The following ZNF385B variants were observed in gnomAD, a reference collection of about 807,000 sequenced individuals.
The protein encoded by ZNF385B is zinc finger protein 533.
ZNF385B carries 23 observed loss-of-function variants against 39.2 expected under a neutral mutation model. The ratio of observed to expected loss-of-function variants is 0.59; its 90% CI spans 0.42 to 0.83. The LOEUF is 0.83. ZNF385B is among the 40% of genes least tolerant of loss of function. The pLI, the probability that ZNF385B is intolerant of heterozygous loss-of-function variation, is 0.00. For synonymous variants in ZNF385B, 205 were observed against 222.6 expected (o/e 0.92, Z 0.70); for missense variants, 552 against 598.9 (o/e 0.92, Z 0.82).
At chr2:179,779,110 C>G (rs1486620138) in intron 1 of ZNF385B, among the ~76,000 whole-genome samples, 2 of 151,972 alleles carry the variant, frequency 1.3e-5, no homozygotes, top group African/African-American at 4.8e-5. Context: ...TTCTTTTTTC[C>G]TCTGGTATAG....
chr2:179,484,855 C>T (rs2054392709), intron 5 of ZNF385B, among the ~76,000 whole-genome samples: 1 of 152,106 alleles, frequency 6.6e-6, no homozygotes, highest in Non-Finnish European at 1.5e-5. Flanking sequence ...TGCATATACA[C>T]TAGTAGCAAA....
chr2:179,521,045 A>G (rs1469466831), intron 4 of ZNF385B, among the ~76,000 whole-genome samples: 3 of 151,876 alleles, frequency 2.0e-5, no homozygotes, highest in Admixed American at 2.0e-4. Context: ...ATCTAGTTTC[A>G]AGTTCTTAGT....
At chr2:179,568,545 T>C (rs1684855679) in intron 3 of ZNF385B, among the ~76,000 whole-genome samples, 1 of 152,226 alleles carries the variant, frequency 6.6e-6, no homozygotes, top group Non-Finnish European at 1.5e-5. Context: ...TCACATAGTA[T>C]TAGTGTTATT....
chr2:179,556,216 G>C (rs754971703), intron 3 of ZNF385B, among the ~76,000 whole-genome samples: 1 of 149,148 alleles, frequency 6.7e-6, no homozygotes, highest in Non-Finnish European at 1.5e-5. Context: ...AAATGGATAA[G>C]ATTTATTTGC....
chr2:179,724,265 C>A, intron 3 of ZNF385B, among the ~76,000 whole-genome samples: 1 of 152,022 alleles, frequency 6.6e-6, no homozygotes, highest in Admixed American at 6.6e-5. Flanking sequence ...GCCAAGATTG[C>A]GCCACTGCAC....
At chr2:179,536,364 T>C (rs144479408) in intron 4 of ZNF385B, 20 of 152,298 alleles carry the variant, frequency 1.3e-4, no homozygotes, top group African/African-American at 4.8e-4. Context: ...TAAAGACTTG[T>C]CTTGCCAGAA....
chr2:179,782,586 T>C (rs995061332), intron 1 of ZNF385B, among the ~76,000 whole-genome samples: 5 of 152,150 alleles, frequency 3.3e-5, no homozygotes, highest in Admixed American at 1.3e-4. Flanking sequence ...GAAAACTCCA[T>C]AGTCTCAGCC....
At chr2:179,553,542 T>C (rs1287120093) in intron 3 of ZNF385B, among the ~76,000 whole-genome samples, 5 of 148,884 alleles carry the variant, frequency 3.4e-5, no homozygotes, top group Non-Finnish European at 1.5e-5. Flanking sequence ...ATGATATTTA[T>C]ATTATTATTC....
intron 3 of ZNF385B, among the ~76,000 whole-genome samples, chr2:179,655,013 T>C (rs2106257988): frequency 6.6e-6 from 1 of 152,302 alleles, no homozygotes; most frequent in East Asian, 1.9e-4. Context: ...TCTCACATGC[T>C]TTTGAAATGT....
intron 1 of ZNF385B, among the ~76,000 whole-genome samples, chr2:179,790,101 T>G (rs1705236111): frequency 6.6e-6 from 1 of 152,186 alleles, no homozygotes. Flanking sequence ...AGTAGCTTAG[T>G]CTGGTTATAA....
chr2:179,601,219 C>G (rs1214682158), intron 3 of ZNF385B, among the ~76,000 whole-genome samples: 1 of 152,164 alleles, frequency 6.6e-6, no homozygotes, highest in Admixed American at 6.6e-5. Context: ...TTTGGGGATG[C>G]AGCCAGCTTA....
At chr2:179,524,200 T>C (rs1455736657) in intron 4 of ZNF385B, among the ~76,000 whole-genome samples, 2 of 152,158 alleles carry the variant, frequency 1.3e-5, no homozygotes, top group Non-Finnish European at 2.9e-5. Flanking sequence ...TTATCCAGTA[T>C]AGTAGGCCCT....
At chr2:179,572,664 A>G (rs1685361842) in intron 3 of ZNF385B, among the ~76,000 whole-genome samples, 1 of 152,130 alleles carries the variant, frequency 6.6e-6, no homozygotes. Context: ...CCTATCATGG[A>G]GAAAGAACAC....
intron 3 of ZNF385B, among the ~76,000 whole-genome samples, chr2:179,738,516 A>C (rs1575392780): frequency 6.6e-6 from 1 of 152,216 alleles, no homozygotes; most frequent in Non-Finnish European, 1.5e-5. Context: ...CTTTTGACTC[A>C]TATGATGAGT....
intron 3 of ZNF385B, among the ~76,000 whole-genome samples, chr2:179,559,242 C>T (rs111769709): frequency 1.9e-4 from 29 of 152,226 alleles, no homozygotes; most frequent in Middle Eastern, 3.4e-3. Flanking sequence ...CTCCTGTGGG[C>T]GACTGGAAGA....
chr2:179,642,518 C>T (rs1286830844), intron 3 of ZNF385B, among the ~76,000 whole-genome samples: 1 of 152,118 alleles, frequency 6.6e-6, no homozygotes, highest in Non-Finnish European at 1.5e-5. Flanking sequence ...TTCGAACCAG[C>T]ATGAAGCATA....
chr2:179,854,636 C>G (rs773056715), intron 1 of ZNF385B, among the ~76,000 whole-genome samples: 1 of 152,100 alleles, frequency 6.6e-6, no homozygotes, highest in Non-Finnish European at 1.5e-5. Flanking sequence ...CTACACTATC[C>G]GTCAGATGGA....
chr2:179,814,938 T>C (rs1706969326), intron 1 of ZNF385B, among the ~76,000 whole-genome samples: 1 of 152,244 alleles, frequency 6.6e-6, no homozygotes, highest in Admixed American at 6.5e-5. Context: ...TAAAAAAATT[T>C]AAGTAAACAC....
intron 1 of ZNF385B, among the ~76,000 whole-genome samples, chr2:179,825,267 C>A (rs374812810): frequency 1.3e-5 from 2 of 151,182 alleles, no homozygotes; most frequent in East Asian, 3.9e-4. Flanking sequence ...AATCCTAATC[C>A]CCCATTTACA....
Sources: gnomAD v4.1 joint callset for allele counts (sites outside exome capture counted in the v4.1 genomes callset) on GRCh38, gnomAD v4.1.1 for gene constraint, MANE v1.5 for transcripts, NCBI Gene and HGNC (gene_info 2026-07-23, HGNC 2026-07-21) for gene names.